The following CNTNAP3B variants were observed in gnomAD, a reference collection of about 807,000 sequenced individuals.
CNTNAP3B encodes contactin-associated protein-like 3B.
A neutral mutation model predicts 108.9 loss-of-function variants in CNTNAP3B; 25 were observed. That is an observed-to-expected ratio of 0.23 (90% CI 0.17 to 0.32). The LOEUF (loss-of-function observed/expected upper bound fraction) is 0.32, where lower values mean the gene tolerates loss of function less well. CNTNAP3B is among the 10% of genes least tolerant of loss of function. The pLI is 1.00. For synonymous variants in CNTNAP3B, 103 were observed against 473.4 expected (o/e 0.22, Z 10.16); for missense variants, 252 against 1,210.4 (o/e 0.21, Z 11.75).
In CNTNAP3B at chr9:42,110,375, G is replaced by C. The variant is rs141995159; in HGVS notation, c.86-5636C>G. Among the ~76,000 whole-genome samples, 2 of 137,072 alleles carry C rather than the reference G, an allele frequency of 1.5e-5. 1 individual carries two copies. The highest frequency in any genetic ancestry group is 5.8e-5 in the African/African-American group (2 of 34,208). 89.9% of individuals were successfully genotyped at this position (137,072 alleles called of 152,430 possible). A position where few individuals can be genotyped will look rare whatever the true frequency, so the allele number is the denominator to read the frequency against. On this transcript the variant is annotated intron_variant, in intron 1 of 23. Transcript: ENST00000377561. Reference sequence around the variant, plus strand: ...TAAGCACTGTGTCGGCGGAACCTAAGGATGGAAGGAGAGGGGAAGGGGCCA... The same window carrying C: ...TAAGCACTGTGTCGGCGGAACCTAACGATGGAAGGAGAGGGGAAGGGGCCA...
chr9:42,028,915 A>G (rs553306772), intron 3 of CNTNAP3B, among the ~76,000 whole-genome samples: 22 of 152,032 alleles, frequency 1.4e-4, no homozygotes, highest in African/African-American at 5.1e-4. Flanking sequence ...AAGCTTTCAT[A>G]AATAAATTAA....
At chr9:41,942,701 T>C (rs1427536728) in intron 13 of CNTNAP3B, among the ~76,000 whole-genome samples, 1 of 152,226 alleles carries the variant, frequency 6.6e-6, no homozygotes, top group African/African-American at 2.4e-5. Flanking sequence ...GATCAGTACA[T>C]TACCTGTATA....
intron 14 of CNTNAP3B, among the ~76,000 whole-genome samples, chr9:41,934,411 G>A (rs1209306245): frequency 1.3e-5 from 2 of 152,220 alleles, no homozygotes; most frequent in Non-Finnish European, 2.9e-5. Context: ...TAGTAGAGAC[G>A]GGGTTTCACC....
At chr9:42,120,936 C>A (rs180870329) in intron 1 of CNTNAP3B, among the ~76,000 whole-genome samples, 1 of 137,360 alleles carries the variant, frequency 7.3e-6, no homozygotes, top group African/African-American at 2.9e-5. Flanking sequence ...CAAACCTGCA[C>A]GTTGTGCACA....
chr9:41,939,260 A>T (rs1193365647), intron 13 of CNTNAP3B, among the ~76,000 whole-genome samples: 762 of 141,154 alleles, frequency 5.4e-3, no homozygotes, highest in African/African-American at 7.1e-3. Flanking sequence ...AGTTGCAGTC[A>T]TCACAGATTA....
At chr9:42,117,370 C>G (rs1333252070) in intron 1 of CNTNAP3B, among the ~76,000 whole-genome samples, 1 of 132,314 alleles carries the variant, frequency 7.6e-6, no homozygotes, top group Non-Finnish European at 1.6e-5. Context: ...GATTAAGAAA[C>G]TCACTCAAAA....
Position 41,946,587 on chromosome 9 carries a change from C to A in CNTNAP3B, c.2080+6596G>T, listed in dbSNP as rs1375378704. On this transcript the variant is annotated intron_variant, in intron 13 of 23. Transcript: ENST00000377561. ...TAATAACCTTCCCAAACAGAAAGTACCAAGCCCAGATGATTCACTGGTGAG... is the reference window on the plus strand; with the variant it reads ...TAATAACCTTCCCAAACAGAAAGTAACAAGCCCAGATGATTCACTGGTGAG... 3.9e-5 allele frequency among the ~76,000 whole-genome samples: 2 copies of A among 51,188 alleles called. 1 individual carries two copies. Among genetic ancestry groups the A allele is most frequent in the African/African-American group, 1.5e-4 (2 of 13,786 alleles). 33.6% of individuals were successfully genotyped at this position (51,188 alleles called of 152,430 possible).
At chr9:41,945,924 A>ATCT (rs1824519602) in intron 13 of CNTNAP3B, among the ~76,000 whole-genome samples, 7 of 152,256 alleles carry the variant, frequency 4.6e-5, no homozygotes, top group African/African-American at 1.4e-4. Context: ...CCAAAAAGAA[A>ATCT]GACAGAGTAT....
chr9:42,003,446 A>G (rs1214141231), intron 4 of CNTNAP3B, among the ~76,000 whole-genome samples: 1 of 94,810 alleles, frequency 1.1e-5, no homozygotes, highest in African/African-American at 3.8e-5. Context: ...AAAGTGTTCT[A>G]TCAATCACCT....
chr9:42,026,445 G>A (rs1826408669), intron 3 of CNTNAP3B, among the ~76,000 whole-genome samples: 2 of 85,416 alleles, frequency 2.3e-5, no homozygotes, highest in South Asian at 7.3e-4. Context: ...AAATTAGCAG[G>A]GCATGGTGGC....
chr9:41,940,659 A>T (rs1187927946), intron 13 of CNTNAP3B, among the ~76,000 whole-genome samples: 1 of 152,276 alleles, frequency 6.6e-6, no homozygotes, highest in Non-Finnish European at 1.5e-5. Flanking sequence ...TACTAAAAAT[A>T]CAAAAAATAG....
rs1325017798 is a variant in CNTNAP3B, at chr9:42,111,763, T to C, written c.86-7024A>G. ...CAATAAATTGCCAAGGATTATGTACTTTTTGTGTGTATATGGCAGCTTTTC... is the reference window on the plus strand; with the variant it reads ...CAATAAATTGCCAAGGATTATGTACCTTTTGTGTGTATATGGCAGCTTTTC... On this transcript the variant is annotated intron_variant, in intron 1 of 23. Transcript: ENST00000377561. 6.5e-5 allele frequency among the ~76,000 whole-genome samples: 9 copies of C among 138,520 alleles called. 2 individuals carry two copies. The highest frequency in any genetic ancestry group is 2.3e-4 in the African/African-American group (8 of 34,742). 90.9% of individuals were successfully genotyped at this position (138,520 alleles called of 152,430 possible). A position where few individuals can be genotyped will look rare whatever the true frequency, so the allele number is the denominator to read the frequency against.
At chr9:42,094,972 C>G (rs953203311) in intron 2 of CNTNAP3B, among the ~76,000 whole-genome samples, 1 of 136,616 alleles carries the variant, frequency 7.3e-6, no homozygotes, top group African/African-American at 2.9e-5. Flanking sequence ...GTAAAATGAT[C>G]GAATCAGGCT....
intron 3 of CNTNAP3B, among the ~76,000 whole-genome samples, chr9:42,054,488 G>A (rs1408404561): frequency 2.0e-5 from 3 of 151,836 alleles, no homozygotes; most frequent in Non-Finnish European, 2.9e-5. Context: ...TTTTGTAATC[G>A]AAGGTGAGGA....
At chr9:41,968,987 G>A (rs1825363227) in intron 10 of CNTNAP3B, among the ~76,000 whole-genome samples, 2 of 152,268 alleles carry the variant, frequency 1.3e-5, no homozygotes, top group African/African-American at 2.4e-5. Context: ...TAGTAGAGAC[G>A]GGGTTTCACC....
At chr9:41,917,910 G>A (rs1440326416) in intron 18 of CNTNAP3B, among the ~76,000 whole-genome samples, 5 of 152,270 alleles carry the variant, frequency 3.3e-5, no homozygotes, top group African/African-American at 1.2e-4. Flanking sequence ...TACTGAGCTA[G>A]GGATGGGGAG....
intron 16 of CNTNAP3B, 192 bp downstream of exon 16, chr9:41,923,731 C>T: frequency 9.0e-7 from 1 of 1,111,128 alleles, no homozygotes; most frequent in Non-Finnish European, 1.3e-6. Flanking sequence ...CACTGCACTC[C>T]AGCATGAGTG....
At chr9:41,961,797 A>G (rs1244588577) in intron 11 of CNTNAP3B, among the ~76,000 whole-genome samples, 2 of 152,298 alleles carry the variant, frequency 1.3e-5, no homozygotes, top group Admixed American at 1.3e-4. Context: ...TATAATGTAA[A>G]TTTACTCTAG....
chr9:41,956,101 T>C (rs1824849272), intron 12 of CNTNAP3B, among the ~76,000 whole-genome samples: 1 of 152,250 alleles, frequency 6.6e-6, no homozygotes, highest in Non-Finnish European at 1.5e-5. Context: ...ATAATATTGG[T>C]TGTGGCCAGG....
Sources: gnomAD v4.1 joint callset for allele counts (sites outside exome capture counted in the v4.1 genomes callset) on GRCh38, gnomAD v4.1.1 for gene constraint, MANE v1.5 for transcripts, NCBI Gene and HGNC (gene_info 2026-07-23, HGNC 2026-07-21) for gene names.